MITF: variants seen among roughly 807,000 people sequenced by gnomAD.
MITF encodes microphthalmia-associated transcription factor.
A neutral mutation model predicts 60.5 loss-of-function variants in MITF; 17 were observed. The observed-to-expected ratio is 0.28, with a 90% CI of 0.19 to 0.42. The LOEUF is 0.42. Among genes scored for constraint, MITF ranks in the 10% least tolerant of loss-of-function variants. MITF has a pLI of 1.00. For synonymous variants in MITF, 260 were observed against 248.5 expected, an observed-to-expected ratio of 1.05 and a Z score of -0.43; for missense variants, 622 against 683.5, an observed-to-expected ratio of 0.91 and a Z score of 1.00.
At chr3:69,878,251 A>G (rs778266160) in intron 1 of MITF, among the ~76,000 whole-genome samples, 2 of 152,216 alleles carry the variant, frequency 1.3e-5, no homozygotes, top group Non-Finnish European at 2.9e-5. Flanking sequence ...ACAGAGAGAG[A>G]TTTAATAACT....
intron 1 of MITF, among the ~76,000 whole-genome samples, chr3:69,814,472 A>T (rs760017517): frequency 6.6e-6 from 1 of 152,024 alleles, no homozygotes; most frequent in African/African-American, 2.4e-5. Context: ...CGAACTACAG[A>T]TGCCCACCAT....
intron 1 of MITF, among the ~76,000 whole-genome samples, chr3:69,834,998 T>G (rs2107116088): frequency 6.7e-6 from 1 of 149,804 alleles, no homozygotes; most frequent in South Asian, 2.1e-4. Context: ...AAGTGTCTAT[T>G]AAGCTTGCTC....
chr3:69,904,421 T>TA (rs1447402186), intron 2 of MITF, among the ~76,000 whole-genome samples: 1 of 152,168 alleles, frequency 6.6e-6, no homozygotes, highest in Admixed American at 6.5e-5. Context: ...AAATGCTACA[T>TA]AATTTCTTCC....
Position 69,965,759 on chromosome 3 carries a change from G to C in MITF, c.*511G>C, listed in dbSNP as rs1437691586. 4.3e-6 allele frequency: 1 copy of C among 233,210 alleles called. No homozygotes were observed. Among genetic ancestry groups the C allele is most frequent in the South Asian group, 1.7e-4 (1 of 5,766 alleles). 14.4% of individuals were successfully genotyped at this position (233,210 alleles called of 1,614,324 possible). ...GCCTTAAAGATACAGTACCCCTCTAGCTTTGTTTAGTCTTTATACTGCAAA... is the reference window on the plus strand; with the variant it reads ...GCCTTAAAGATACAGTACCCCTCTACCTTTGTTTAGTCTTTATACTGCAAA... On this transcript the variant is annotated 3_prime_UTR_variant, in exon 10 of 10. Transcript: ENST00000352241.
In MITF at chr3:69,739,508, C is replaced by A. The variant is rs1228314156; in HGVS notation, c.-90C>A. On this transcript the variant is annotated 5_prime_UTR_variant, in exon 1 of 10. Transcript: ENST00000352241. ...GAGCTCGGCACTGCGCCGGGGCGCA[C>A]GGCTCGGGGGACCCAGGCCCAGCTA... 2.4e-6 allele frequency: 3 copies of A among 1,237,138 alleles called. No homozygotes were observed. Among genetic ancestry groups the A allele is most frequent in the Middle Eastern group, 2.1e-4 (1 of 4,716 alleles). 76.6% of individuals were successfully genotyped at this position (1,237,138 alleles called of 1,614,324 possible).
intron 1 of MITF, among the ~76,000 whole-genome samples, chr3:69,830,371 A>G (rs1441100372): frequency 6.6e-6 from 1 of 152,090 alleles, no homozygotes; most frequent in East Asian, 1.9e-4. Flanking sequence ...TCGGCCTGCT[A>G]CCACGCACAG....
At chr3:69,940,620 A>G (rs980316191) in intron 4 of MITF, among the ~76,000 whole-genome samples, 19 of 152,178 alleles carry the variant, frequency 1.2e-4, no homozygotes, top group African/African-American at 4.3e-4. Flanking sequence ...TCACTGTAAG[A>G]TGGGTGCAGG....
intron 2 of MITF, among the ~76,000 whole-genome samples, chr3:69,897,067 A>G (rs574867592): frequency 1.3e-5 from 2 of 152,328 alleles, no homozygotes; most frequent in Admixed American, 1.3e-4. Flanking sequence ...AGGTAGGACT[A>G]GGAGGGTATT....
chr3:69,758,131 A>C lies in MITF; in HGVS notation c.104+18430A>C, dbSNP rs568444453. Among the ~76,000 whole-genome samples, 4 of 149,396 alleles carry C rather than the reference A, an allele frequency of 2.7e-5. No individual in the cohort carries two copies. The South Asian group carries it at 8.5e-4, about 32-fold the overall frequency. ...ATATATCATATGCACACACACACAC[A>C]CACACACACACTTTCCCAGCACTCA... On this transcript the variant is annotated intron_variant, in intron 1 of 9. Transcript: ENST00000352241.
chr3:69,929,314 C>T (rs2065663351), intron 2 of MITF, among the ~76,000 whole-genome samples: 1 of 152,058 alleles, frequency 6.6e-6, no homozygotes, highest in Admixed American at 6.6e-5. Context: ...GCACTGGTAG[C>T]ATGTGGGCTG....
intron 1 of MITF, among the ~76,000 whole-genome samples, chr3:69,765,450 C>A (rs1170648847): frequency 3.3e-5 from 5 of 152,078 alleles, no homozygotes; most frequent in Non-Finnish European, 5.9e-5. Context: ...TAGATATTTC[C>A]ATCTTGGATC....
chr3:69,935,458 G>C (rs1234087255), intron 2 of MITF, among the ~76,000 whole-genome samples: 1 of 151,834 alleles, frequency 6.6e-6, no homozygotes, highest in African/African-American at 2.4e-5. Flanking sequence ...TCTACTCATT[G>C]CCCTCATTTT....
At chr3:69,902,219 CT>C (rs112401962) in intron 2 of MITF, among the ~76,000 whole-genome samples, 86 of 151,312 alleles carry the variant, frequency 5.7e-4, no homozygotes, top group East Asian at 3.1e-3. Flanking sequence ...TTTAGTTTTT[CT>C]TTTTTTTTCC....
At chr3:69,796,531 G>T (rs1406823402) in intron 1 of MITF, among the ~76,000 whole-genome samples, 1 of 94,144 alleles carries the variant, frequency 1.1e-5, no homozygotes, top group African/African-American at 4.0e-5. Flanking sequence ...ACGGAGTCTC[G>T]CTCTGTCGCC....
intron 5 of MITF, 60 bp downstream of exon 5, chr3:69,941,391 T>G: frequency 9.8e-7 from 1 of 1,018,408 alleles, no homozygotes. Flanking sequence ...TCTTTTCTTT[T>G]TTCTTAAACT....
chr3:69,757,439 A>G (rs1022378821), intron 1 of MITF, among the ~76,000 whole-genome samples: 2 of 152,174 alleles, frequency 1.3e-5, no homozygotes, highest in Non-Finnish European at 2.9e-5. Context: ...AGAAACTGAC[A>G]TAGAAGTAGG....
intron 1 of MITF, among the ~76,000 whole-genome samples, chr3:69,789,996 CAA>C (rs2062714229): frequency 6.6e-6 from 1 of 152,088 alleles, no homozygotes; most frequent in African/African-American, 2.4e-5. Context: ...GTGCTAGTCA[CAA>C]TAGCCAAGAG....
chr3:69,870,259 TACAC>T lies in MITF; in HGVS notation c.105-8856_105-8853del, dbSNP rs146363082. ...GCACAAATCAGAGTTGGTAAATGGA[TACAC>T]ACACACACACACACACACGTGTGTG... On this transcript the variant is annotated intron_variant, in intron 1 of 9. Transcript: ENST00000352241. Among the ~76,000 whole-genome samples the T allele has an allele frequency of 1.8e-3, 268 of 145,290 alleles. 2 individuals are homozygous for T. Among genetic ancestry groups the T allele is most frequent in the African/African-American group, 5.3e-3 (210 of 39,628 alleles).
At chr3:69,882,421 G>A (rs1055277775) in intron 2 of MITF, among the ~76,000 whole-genome samples, 2 of 152,076 alleles carry the variant, frequency 1.3e-5, no homozygotes, top group African/African-American at 2.4e-5. Context: ...TATTCTCCAA[G>A]TTTTTTAAGA....
Sources: allele counts gnomAD v4.1 joint callset (sites outside exome capture counted in the v4.1 genomes callset), GRCh38; gene constraint gnomAD v4.1.1; transcripts MANE v1.5; gene names NCBI Gene and HGNC (gene_info 2026-07-23, HGNC 2026-07-21).